BPHL: variants seen among roughly 807,000 people sequenced by gnomAD.
The protein encoded by BPHL is serine hydrolase BPHL.
Under a neutral mutation model 31.2 loss-of-function variants are expected in BPHL, and 27 were observed. The observed-to-expected ratio is 0.87, with a 90% confidence interval of 0.64 to 1.19. The LOEUF is 1.19. Among genes scored for constraint, BPHL ranks in the 50% most tolerant of loss-of-function variants. The probability of loss-of-function intolerance (pLI) is 0.00; values close to 1 mark genes in which losing one functional copy is unlikely to be tolerated. For missense variants in BPHL, 356 were observed against 375.7 expected (o/e 0.95, Z 0.43); for synonymous variants, 150 against 146.8 (o/e 1.02, Z -0.16).
At position 3,140,929 on chromosome 6, in the gene BPHL, G is replaced by A. The variant is rs935636687; in HGVS notation, c.788+420G>A. ...CTGTTAAACCAAATTTCTGATGTCT[G>A]CTGACAGCCAGCCCTACTCAGCACA... is the stretch of plus-strand genomic sequence containing the variant. On this transcript the variant is annotated intron_variant, in intron 6 of 6. Transcript: ENST00000380379. This position sits in a 1 kb window ranked among gnomAD's most constrained non-coding sequence, Gnocchi z 5.2. 3.9e-5 allele frequency among the ~76,000 whole-genome samples: 6 copies of A among 152,158 alleles called. No individual in the cohort carries two copies. The highest frequency in any genetic ancestry group is 5.9e-5 in the Non-Finnish European group (4 of 68,034).
intron 4 of BPHL, among the ~76,000 whole-genome samples, chr6:3,131,434 A>G (rs1420936199): frequency 1.3e-5 from 2 of 152,008 alleles, no homozygotes; most frequent in African/African-American, 4.8e-5. Context: ...TGTTCATTGA[A>G]CTGTGATGCT....
chr6:3,129,101 A>G lies in BPHL; in HGVS notation c.435A>G (p.Ala145=), dbSNP rs1761795183. ...LLGWSDGGIT[A]LIAAAKYPSY... is the part of the protein sequence containing the mutation. ...GGTGGAGTGATGGGGGCATAACCGCACTCATTGCTGCTGCAAAATATCCAT... is the reference window on the plus strand; with the variant it reads ...GGTGGAGTGATGGGGGCATAACCGCGCTCATTGCTGCTGCAAAATATCCAT... The change falls in exon 4 of 7, where the codon GCA becomes GCG. Residue 145 remains alanine (A), a synonymous_variant. Coordinates refer to ENST00000380379, the MANE Select transcript of BPHL (RefSeq NM_004332.4). 1 of 1,613,732 alleles carries G rather than the reference A, an allele frequency of 6.2e-7. No individual in the cohort carries two copies. The highest frequency in any genetic ancestry group is 8.5e-7 in the Non-Finnish European group (1 of 1,179,946).
rs186623611 is a variant in BPHL at position 3,144,965 on chromosome 6, G to A, written c.788+4456G>A. Among the ~76,000 whole-genome samples the A allele has an allele frequency of 2.4e-3, 370 of 152,328 alleles. 1 individual carries two copies. Among genetic ancestry groups the A allele is most frequent in the African/African-American group, 7.8e-3 (324 of 41,580 alleles). On this transcript the variant is annotated intron_variant, in intron 6 of 6. Transcript: ENST00000380379. ...GGCACAGAGTTGGCATCTTAAGTTC[G>A]TGTCAACTAAAGGGGAGGGAGAGGG...
intron 5 of BPHL, chr6:3,138,892 G>C (rs1428165449): frequency 6.6e-6 from 1 of 152,214 alleles, no homozygotes; most frequent in Non-Finnish European, 1.5e-5. Flanking sequence ...GGCTGTAGCA[G>C]TGTATAAACT....
At chr6:3,130,510 A>AC (rs1212445750) in intron 4 of BPHL, among the ~76,000 whole-genome samples, 2 of 151,964 alleles carry the variant, frequency 1.3e-5, no homozygotes, top group African/African-American at 4.8e-5. Context: ...GCCCACCAGG[A>AC]CCCTCTTCCT....
intron 6 of BPHL, among the ~76,000 whole-genome samples, chr6:3,144,672 G>A (rs117827457): frequency 0.052 from 7,982 of 152,214 alleles, 511 homozygotes; most frequent in African/African-American, 0.14. Context: ...GATTACAGGT[G>A]TGAGCCACTG....
intron 4 of BPHL, among the ~76,000 whole-genome samples, chr6:3,134,329 C>T (rs1761949361): frequency 1.3e-5 from 2 of 151,978 alleles, no homozygotes; most frequent in South Asian, 4.2e-4. Flanking sequence ...TTGCAAGCAC[C>T]TCTTCACAGT....
At chr6:3,133,480 G>T (rs919515292) in intron 4 of BPHL, among the ~76,000 whole-genome samples, 1 of 152,004 alleles carries the variant, frequency 6.6e-6, no homozygotes, top group Non-Finnish European at 1.5e-5. Flanking sequence ...TAAAGTTCAG[G>T]CTCCTTCACT....
chr6:3,118,896 A>T, intron 1 of BPHL, 49 bp downstream of exon 1: 1 of 1,219,674 alleles, frequency 8.2e-7, no homozygotes, highest in Non-Finnish European at 1.0e-6. Flanking sequence ...GGCGCGCTCG[A>T]GGGGCGGCGG....
chr6:3,146,523 GGAGTGCT>G (rs1561801315), intron 6 of BPHL, among the ~76,000 whole-genome samples: 10 of 35,066 alleles, frequency 2.9e-4, no homozygotes, highest in African/African-American at 4.8e-4. Context: ...GGTGTGGGTC[GGAGTGCT>G]GGTTTGGGTC....
At chr6:3,126,559 A>G (rs1581463943) in intron 2 of BPHL, among the ~76,000 whole-genome samples, 1 of 150,916 alleles carries the variant, frequency 6.6e-6, no homozygotes, top group South Asian at 2.1e-4. Flanking sequence ...GCAGGCCTGC[A>G]CTCCGCCGGG....
intron 1 of BPHL, among the ~76,000 whole-genome samples, chr6:3,122,116 A>G (rs1201360717): frequency 6.6e-6 from 1 of 152,048 alleles, no homozygotes; most frequent in East Asian, 1.9e-4. Flanking sequence ...CGTCTCTACT[A>G]AAAATACAAA....
At chr6:3,138,634 C>A (rs1343025977) in intron 5 of BPHL, 1 of 152,368 alleles carries the variant, frequency 6.6e-6, no homozygotes, top group Admixed American at 6.5e-5. Context: ...GCAAATATAT[C>A]AAATGTATGC....
At chr6:3,131,486 C>A (rs1301650824) in intron 4 of BPHL, among the ~76,000 whole-genome samples, 2 of 152,194 alleles carry the variant, frequency 1.3e-5, no homozygotes, top group African/African-American at 4.8e-5. Context: ...CCTCACCTCT[C>A]TTCTTTCCCC....
At position 3,149,755 on chromosome 6, in the gene BPHL, G is replaced by T. The variant is rs542974141; in HGVS notation, c.789-2733G>T. Among the ~76,000 whole-genome samples the T allele has an allele frequency of 2.0e-5, 3 of 152,012 alleles. No homozygotes were observed. In the East Asian group the frequency reaches 5.8e-4, roughly 29 times the overall value. On this transcript the variant is annotated intron_variant, in intron 6 of 6. Transcript: ENST00000380379. The surrounding 1 kb of genome is among the most constrained non-coding windows in gnomAD (Gnocchi z 4.6). ...TCAAGTGATTCTGCCTCAGCCTCCC[G>T]AGTAGCTGGGATTATAGGCGCGCAT...
At chr6:3,134,804 G>A (rs530392259) in intron 4 of BPHL, among the ~76,000 whole-genome samples, 18 of 151,824 alleles carry the variant, frequency 1.2e-4, no homozygotes, top group Admixed American at 1.3e-4. Flanking sequence ...GGGTTTCACC[G>A]TGTTATCCAG....
intron 6 of BPHL, among the ~76,000 whole-genome samples, chr6:3,145,223 C>G (rs77860936): frequency 0.22 from 1,650 of 7,428 alleles, 25 homozygotes; most frequent in Non-Finnish European, 0.24. Context: ...GGTTCGGGTC[C>G]GAGTGCTGGT....
chr6:3,123,118 G>C (rs1310828116), intron 1 of BPHL, among the ~76,000 whole-genome samples: 1 of 152,234 alleles, frequency 6.6e-6, no homozygotes, highest in Non-Finnish European at 1.5e-5. Flanking sequence ...CCCCAGGCTG[G>C]GCACAATAGC....
At chr6:3,145,011 A>G (rs1762286596) in intron 6 of BPHL, among the ~76,000 whole-genome samples, 1 of 152,134 alleles carries the variant, frequency 6.6e-6, no homozygotes, top group Non-Finnish European at 1.5e-5. Flanking sequence ...CCAGCAGGGG[A>G]CTCAGACCTC....
Sources: allele counts gnomAD v4.1 joint callset (sites outside exome capture counted in the v4.1 genomes callset), GRCh38; gene constraint gnomAD v4.1.1; non-coding constraint Gnocchi (gnomAD v3.1); transcripts MANE v1.5; gene names NCBI Gene and HGNC (gene_info 2026-07-23, HGNC 2026-07-21).